Variants in CNTN4 observed in about 807,000 individuals in gnomAD.
The protein encoded by CNTN4 is contactin-4.
In CNTN4, 77 loss-of-function variants were observed where a neutral mutation model predicts 122.5. The observed-to-expected ratio is 0.63, with a 90% CI of 0.52 to 0.76. CNTN4 has a LOEUF of 0.76. CNTN4 is among the 30% of genes least tolerant of loss of function. The probability of loss-of-function intolerance (pLI) is 0.00; values close to 1 mark genes in which losing one functional copy is unlikely to be tolerated. For synonymous variants in CNTN4, 512 were observed against 447.0 expected, an observed-to-expected ratio of 1.15 and a Z score of -1.83; for missense variants, 1,256 against 1,259.1, an observed-to-expected ratio of 1.00 and a Z score of 0.04.
rs374292906 is a variant in CNTN4 at position 2,630,383 on chromosome 3, G to A, written c.55+58825G>A. 1.3e-4 allele frequency among the ~76,000 whole-genome samples: 20 copies of A among 152,286 alleles called. No individual in the cohort carries two copies. The East Asian group carries it at 2.1e-3, about 16-fold the overall frequency. On this transcript the variant is annotated intron_variant, in intron 4 of 24. Coordinates refer to ENST00000418658, the MANE Select transcript of CNTN4 (RefSeq NM_175607.3). ...GAACCTGGGAGGCAGAGGTTGCAGT[G>A]AGCCAAGATCCTGCCACTGCACTCC...
intron 6 of CNTN4, among the ~76,000 whole-genome samples, chr3:2,795,606 T>C (rs6788918): frequency 0.42 from 63,570 of 150,948 alleles, 13,856 homozygotes; most frequent in African/African-American, 0.54. Context: ...GTGCAAGCTC[T>C]GCCTCCCGGG....
At chr3:2,776,178 A>G (rs1049657221) in intron 6 of CNTN4, among the ~76,000 whole-genome samples, 4 of 152,042 alleles carry the variant, frequency 2.6e-5, no homozygotes, top group Middle Eastern at 3.4e-3. Flanking sequence ...GGCCCCTCTT[A>G]TATTGGCAAG....
At chr3:2,158,534 G>A (rs1322210763) in intron 2 of CNTN4, among the ~76,000 whole-genome samples, 1 of 152,146 alleles carries the variant, frequency 6.6e-6, no homozygotes, top group Non-Finnish European at 1.5e-5. Context: ...TCCTCCTATT[G>A]TTTGCTCTTC....
chr3:2,197,350 G>A (rs1012163754), intron 2 of CNTN4, among the ~76,000 whole-genome samples: 10 of 152,030 alleles, frequency 6.6e-5, no homozygotes, highest in African/African-American at 1.2e-4. Flanking sequence ...TTTGCTAGCC[G>A]GAATTAATTG....
chr3:2,558,427 A>G (rs1409966040), intron 3 of CNTN4, among the ~76,000 whole-genome samples: 1 of 152,122 alleles, frequency 6.6e-6, no homozygotes, highest in Non-Finnish European at 1.5e-5. Flanking sequence ...TTTGAAAACT[A>G]CTAGTCAATC....
chr3:2,480,780 T>C (rs2075968324), intron 3 of CNTN4, among the ~76,000 whole-genome samples: 2 of 152,268 alleles, frequency 1.3e-5, no homozygotes, highest in South Asian at 4.1e-4. Context: ...TGATCCAAAA[T>C]AGCCAATTCA....
At chr3:2,392,065 T>C (rs2150891829) in intron 3 of CNTN4, among the ~76,000 whole-genome samples, 1 of 152,316 alleles carries the variant, frequency 6.6e-6, no homozygotes, top group East Asian at 1.9e-4. Context: ...TGCACCCTGC[T>C]AAGCAGCGCC....
chr3:2,953,582 A>G (rs1303954823), intron 13 of CNTN4, among the ~76,000 whole-genome samples: 2 of 152,026 alleles, frequency 1.3e-5, no homozygotes, highest in African/African-American at 2.4e-5. Flanking sequence ...CCTCTAGTCT[A>G]TAGCCTTCCA....
chr3:2,760,323 C>G (rs896059868), intron 6 of CNTN4, among the ~76,000 whole-genome samples: 9 of 152,152 alleles, frequency 5.9e-5, no homozygotes, highest in Non-Finnish European at 8.8e-5. Flanking sequence ...AAATTTAGCT[C>G]TATCACCCAT....
At chr3:2,998,250 C>G (rs1404469439) in intron 14 of CNTN4, among the ~76,000 whole-genome samples, 1 of 152,158 alleles carries the variant, frequency 6.6e-6, no homozygotes, top group Non-Finnish European at 1.5e-5. Context: ...TGAAGGGACA[C>G]TCTGATGCAG....
intron 13 of CNTN4, among the ~76,000 whole-genome samples, chr3:2,968,247 C>A (rs1692530568): frequency 6.6e-6 from 1 of 152,132 alleles, no homozygotes; most frequent in Admixed American, 6.5e-5. Flanking sequence ...TTTGCTCCCT[C>A]TTCAAAAGTA....
At chr3:2,326,361 C>A (rs542689846) in intron 2 of CNTN4, among the ~76,000 whole-genome samples, 1 of 152,070 alleles carries the variant, frequency 6.6e-6, no homozygotes, top group African/African-American at 2.4e-5. Context: ...GGGCCTCAGG[C>A]CTTTGAACTT....
intron 7 of CNTN4, among the ~76,000 whole-genome samples, chr3:2,854,622 G>A (rs1299503899): frequency 6.6e-6 from 1 of 152,086 alleles, no homozygotes; most frequent in East Asian, 1.9e-4. Flanking sequence ...ATTTGTGCTC[G>A]TGATTTAAAT....
intron 4 of CNTN4, among the ~76,000 whole-genome samples, chr3:2,619,122 G>T (rs1235300374): frequency 6.6e-6 from 1 of 152,170 alleles, no homozygotes; most frequent in Non-Finnish European, 1.5e-5. Flanking sequence ...TAAGGGCAGG[G>T]ACCCTGTCTT....
At chr3:2,946,967 A>G (rs1453831958) in intron 13 of CNTN4, among the ~76,000 whole-genome samples, 2 of 151,912 alleles carry the variant, frequency 1.3e-5, no homozygotes, top group Non-Finnish European at 2.9e-5. Flanking sequence ...TGTCCTCCCA[A>G]AGTGCTGGGA....
At chr3:2,407,538 A>G (rs1468843523) in intron 3 of CNTN4, among the ~76,000 whole-genome samples, 1 of 152,244 alleles carries the variant, frequency 6.6e-6, no homozygotes, top group African/African-American at 2.4e-5. Context: ...GGGAACAAAT[A>G]TAAAGAACAC....
intron 6 of CNTN4, among the ~76,000 whole-genome samples, chr3:2,771,855 A>C (rs905858444): frequency 2.0e-5 from 3 of 152,214 alleles, no homozygotes; most frequent in Admixed American, 6.5e-5. Context: ...GGTACACAGT[A>C]GGCTCCCCAA....
intron 3 of CNTN4, among the ~76,000 whole-genome samples, chr3:2,377,004 A>G (rs192045634): frequency 2.4e-4 from 37 of 152,216 alleles, no homozygotes; most frequent in Non-Finnish European, 4.7e-4. Context: ...AAAAATACAA[A>G]AATTAGCCAG....
rs1035332186 is a variant in CNTN4 at position 2,538,635 on chromosome 3, T to A, written c.-88-32781T>A. On this transcript the variant is annotated intron_variant, in intron 3 of 24. Transcript: ENST00000418658. ...TCTGGTTTACATTTGAAGCTATTGA[T>A]TGTACTTGTTAACTTTCATAACTGC... Among the ~76,000 whole-genome samples, 4 of 152,046 alleles carry A rather than the reference T, an allele frequency of 2.6e-5. No individual in the cohort carries two copies. The South Asian group carries it at 6.2e-4, about 24-fold the overall frequency.
Sources: allele counts gnomAD v4.1 joint callset (sites outside exome capture counted in the v4.1 genomes callset), GRCh38; gene constraint gnomAD v4.1.1; transcripts MANE v1.5; gene names NCBI Gene and HGNC (gene_info 2026-07-23, HGNC 2026-07-21).